GUCY1A2: variants seen among roughly 807,000 people sequenced by gnomAD.
GUCY1A2 encodes the protein guanylate cyclase soluble subunit alpha-2.
GUCY1A2 carries 27 observed loss-of-function variants against 63.5 expected under a neutral mutation model. That is an observed-to-expected ratio of 0.43 (90% CI 0.31 to 0.59). The LOEUF is 0.59. Ranked by LOEUF, GUCY1A2 falls within the 20% of genes least tolerant of loss-of-function variation. The pLI, the probability that GUCY1A2 is intolerant of heterozygous loss-of-function variation, is 0.11. For missense variants in GUCY1A2, 768 were observed against 913.3 expected (o/e 0.84, Z 2.05); for synonymous variants, 364 against 343.5 (o/e 1.06, Z -0.66).
At chr11:106,994,488 T>C (rs1442466589) in intron 1 of GUCY1A2, among the ~76,000 whole-genome samples, 1 of 152,216 alleles carries the variant, frequency 6.6e-6, no homozygotes, top group Non-Finnish European at 1.5e-5. Context: ...ATGTCTGATG[T>C]TTTCAAAGAA....
chr11:106,724,632 C>A (rs1863372866), intron 6 of GUCY1A2, among the ~76,000 whole-genome samples: 1 of 152,160 alleles, frequency 6.6e-6, no homozygotes, highest in Non-Finnish European at 1.5e-5. Context: ...TGGATTTAAG[C>A]CTATTTGAAA....
At chr11:106,846,520 T>G (rs1004977704) in intron 4 of GUCY1A2, among the ~76,000 whole-genome samples, 1 of 151,640 alleles carries the variant, frequency 6.6e-6, no homozygotes, top group African/African-American at 2.4e-5. Context: ...AAATACTAAC[T>G]TAAAAAACGA....
chr11:106,939,724 C>T lies in GUCY1A2; in HGVS notation c.942G>A (p.Ala314=), dbSNP rs762412341. 13 of 1,613,616 alleles carry T rather than the reference C, an allele frequency of 8.1e-6. No individual in the cohort carries two copies. Among genetic ancestry groups the T allele is most frequent in the Admixed American group, 5.0e-5 (3 of 60,002 alleles). ...NLPQGTSQVP[A]DLRISINTFC... ...AGGTGTTGATGCTAATTCTGAGGTCCGCAGGAACTTGGGAGGTTCCCTGTG... is the reference window on the plus strand; with the variant it reads ...AGGTGTTGATGCTAATTCTGAGGTCTGCAGGAACTTGGGAGGTTCCCTGTG... The change falls in exon 4 of 8, where the codon GCG becomes GCA. Residue 314 remains alanine, a synonymous_variant. Transcript: ENST00000526355.
chr11:106,808,707 GA>G, intron 5 of GUCY1A2, among the ~76,000 whole-genome samples: 1 of 152,256 alleles, frequency 6.6e-6, no homozygotes, highest in Non-Finnish European at 1.5e-5. Context: ...AGTTTAGAGG[GA>G]AAAGATTGGT....
intron 4 of GUCY1A2, among the ~76,000 whole-genome samples, chr11:106,869,488 C>T (rs1859642907): frequency 6.6e-6 from 1 of 152,168 alleles, no homozygotes; most frequent in African/African-American, 2.4e-5. Flanking sequence ...ATTTATGCAG[C>T]CAACAGACAC....
At chr11:106,727,305 A>G in intron 6 of GUCY1A2, among the ~76,000 whole-genome samples, 1 of 152,328 alleles carries the variant, frequency 6.6e-6, no homozygotes, top group South Asian at 2.1e-4. Context: ...CAGATTCAAG[A>G]GCTGTCCAAA....
At chr11:106,986,790 C>CA (rs1861407493) in intron 1 of GUCY1A2, among the ~76,000 whole-genome samples, 1 of 152,160 alleles carries the variant, frequency 6.6e-6, no homozygotes, top group African/African-American at 2.4e-5. Flanking sequence ...CAAGAGAATT[C>CA]AAGCAAAGGT....
intron 3 of GUCY1A2, among the ~76,000 whole-genome samples, chr11:106,955,623 C>A (rs1860973982): frequency 6.6e-6 from 1 of 152,080 alleles, no homozygotes; most frequent in South Asian, 2.1e-4. Flanking sequence ...TAAATATTGG[C>A]CCCCAATCTT....
intron 4 of GUCY1A2, among the ~76,000 whole-genome samples, chr11:106,829,521 C>G (rs558735776): frequency 6.6e-6 from 1 of 152,090 alleles, no homozygotes; most frequent in Admixed American, 6.5e-5. Flanking sequence ...AGAACAGGAT[C>G]AGGATGAATA....
intron 7 of GUCY1A2, among the ~76,000 whole-genome samples, chr11:106,693,628 C>A (rs1862665944): frequency 6.6e-6 from 1 of 152,024 alleles, no homozygotes; most frequent in African/African-American, 2.4e-5. Flanking sequence ...AGACATTGAC[C>A]TGGTAAATTA....
intron 4 of GUCY1A2, among the ~76,000 whole-genome samples, chr11:106,856,826 A>G (rs1859443081): frequency 6.6e-6 from 1 of 152,192 alleles, no homozygotes; most frequent in African/African-American, 2.4e-5. Flanking sequence ...CAAAAGTAGA[A>G]GGCAGAGCTC....
chr11:106,687,483 C>A lies in GUCY1A2; in HGVS notation c.*66G>T, dbSNP rs1386601049. On this transcript the variant is annotated 3_prime_UTR_variant, in exon 8 of 8. Coordinates refer to ENST00000526355, the MANE Select transcript of GUCY1A2 (RefSeq NM_000855.3). ...ATGAAAGAGACACAATCTCTTTCCA[C>A]CCCCCATTGGTGACCCATGTTCTGG... is the stretch of plus-strand genomic sequence containing the variant. 2 of 1,117,642 alleles carry A rather than the reference C, an allele frequency of 1.8e-6. No individual in the cohort carries two copies. The highest frequency in any genetic ancestry group is 4.7e-5 in the East Asian group (2 of 42,554). The allele number at this position is 1,117,642 out of a possible 1,614,324, so 69.2% of individuals were successfully genotyped here.
At chr11:106,688,134 C>T (rs1303719052) in intron 7 of GUCY1A2, among the ~76,000 whole-genome samples, 1 of 152,136 alleles carries the variant, frequency 6.6e-6, no homozygotes, top group African/African-American at 2.4e-5. Context: ...TTACCTTTTC[C>T]GTTTTTAAAA....
chr11:106,866,012 T>G (rs866944749), intron 4 of GUCY1A2, among the ~76,000 whole-genome samples: 1 of 151,958 alleles, frequency 6.6e-6, no homozygotes, highest in African/African-American at 2.4e-5. Context: ...TCATAGCACC[T>G]TGCACACAGT....
chr11:107,001,243 C>G (rs1247169982), intron 1 of GUCY1A2, among the ~76,000 whole-genome samples: 1 of 152,078 alleles, frequency 6.6e-6, no homozygotes, highest in Admixed American at 6.6e-5. Flanking sequence ...GTATTTTCCC[C>G]AAATAACTGA....
chr11:106,702,583 C>T (rs1347625486), intron 7 of GUCY1A2, among the ~76,000 whole-genome samples: 1 of 152,146 alleles, frequency 6.6e-6, no homozygotes, highest in Non-Finnish European at 1.5e-5. Context: ...CAGTCCTACA[C>T]TAGATTCCTG....
chr11:106,991,667 A>G (rs1861471989), intron 1 of GUCY1A2, among the ~76,000 whole-genome samples: 1 of 152,248 alleles, frequency 6.6e-6, no homozygotes, highest in African/African-American at 2.4e-5. Context: ...GATACTCATA[A>G]CCGCTTAATT....
intron 4 of GUCY1A2, among the ~76,000 whole-genome samples, chr11:106,817,133 A>C (rs1858842695): frequency 6.6e-6 from 1 of 152,094 alleles, no homozygotes; most frequent in African/African-American, 2.4e-5. Context: ...TAAGTTAATG[A>C]CGAAATAATT....
intron 1 of GUCY1A2, among the ~76,000 whole-genome samples, chr11:107,006,942 A>G (rs1458319626): frequency 6.6e-6 from 1 of 152,196 alleles, no homozygotes; most frequent in Non-Finnish European, 1.5e-5. Flanking sequence ...TGTTTGATTC[A>G]CCAGAACGAA....
Sources: gnomAD v4.1 joint callset for allele counts (sites outside exome capture counted in the v4.1 genomes callset) on GRCh38, gnomAD v4.1.1 for gene constraint, MANE v1.5 for transcripts, NCBI Gene and HGNC (gene_info 2026-07-23, HGNC 2026-07-21) for gene names.